CHCHD6: variants seen among roughly 807,000 people sequenced by gnomAD.
CHCHD6 encodes the protein MICOS complex subunit MIC25.
A neutral mutation model predicts 32.3 loss-of-function variants in CHCHD6; 28 were observed. The ratio of observed to expected loss-of-function variants is 0.87; its 90% CI spans 0.64 to 1.19. The LOEUF is 1.19. Among genes scored for constraint, CHCHD6 ranks in the 50% most tolerant of loss-of-function variants. The pLI, the probability that CHCHD6 is intolerant of heterozygous loss-of-function variation, is 0.00. For synonymous variants in CHCHD6, 122 were observed against 117.5 expected (o/e 1.04, Z -0.25); for missense variants, 333 against 307.0 (o/e 1.08, Z -0.63).
Position 126,704,263 on chromosome 3 carries a change from C to G in CHCHD6, c.-50C>G. On this transcript the variant is annotated 5_prime_UTR_variant, in exon 1 of 8. Transcript: ENST00000290913. ...GGAAAGCGTTGTTGGCCCGGTTGCT[C>G]TGGAGCCGGGTCTCGGGTCTGGTGG... The G allele has an allele frequency of 1.3e-6, 2 of 1,492,888 alleles. No homozygotes were observed. Among genetic ancestry groups the G allele is most frequent in the African/African-American group, 1.4e-5 (1 of 72,750 alleles). 92.5% of individuals were successfully genotyped at this position (1,492,888 alleles called of 1,614,324 possible).
At chr3:126,810,453 G>A (rs1939607966) in intron 4 of CHCHD6, among the ~76,000 whole-genome samples, 1 of 152,200 alleles carries the variant, frequency 6.6e-6, no homozygotes, top group Non-Finnish European at 1.5e-5. Flanking sequence ...GGGGAGAGAT[G>A]AGCCAAGTAC....
intron 4 of CHCHD6, among the ~76,000 whole-genome samples, chr3:126,788,393 A>G (rs1938337988): frequency 6.6e-6 from 1 of 152,208 alleles, no homozygotes; most frequent in Non-Finnish European, 1.5e-5. Flanking sequence ...TAGTTTCAGA[A>G]GGAATGGTAC....
At chr3:126,762,330 A>G (rs961184818) in intron 4 of CHCHD6, among the ~76,000 whole-genome samples, 2 of 152,044 alleles carry the variant, frequency 1.3e-5, no homozygotes, top group African/African-American at 2.4e-5. Flanking sequence ...AAGTTTTGGT[A>G]TGTTGTGTTT....
At chr3:126,778,925 A>AT (rs1937783901) in intron 4 of CHCHD6, among the ~76,000 whole-genome samples, 1 of 150,124 alleles carries the variant, frequency 6.7e-6, no homozygotes, top group Admixed American at 6.6e-5. Context: ...TGGCTCATTA[A>AT]ATTTTTTTTT....
intron 5 of CHCHD6, among the ~76,000 whole-genome samples, chr3:126,868,853 T>G (rs2077425863): frequency 6.6e-6 from 1 of 152,330 alleles, no homozygotes; most frequent in South Asian, 2.1e-4. Flanking sequence ...GAGAAATAGA[T>G]GAAGAATTGT....
chr3:126,828,446 G>A (rs1370725981), intron 4 of CHCHD6, among the ~76,000 whole-genome samples: 4 of 152,194 alleles, frequency 2.6e-5, no homozygotes, highest in Non-Finnish European at 4.4e-5. Flanking sequence ...GCTAACTTAA[G>A]TAAAAGGGAG....
intron 4 of CHCHD6, among the ~76,000 whole-genome samples, chr3:126,804,861 T>G (rs1353186395): frequency 6.6e-6 from 1 of 151,592 alleles, no homozygotes; most frequent in Non-Finnish European, 1.5e-5. Flanking sequence ...CGTGATCAAG[T>G]GGGCTTCATC....
intron 4 of CHCHD6, among the ~76,000 whole-genome samples, chr3:126,807,604 T>A (rs990697556): frequency 1.3e-5 from 2 of 152,112 alleles, no homozygotes; most frequent in Non-Finnish European, 2.9e-5. Flanking sequence ...ATTAATGAAA[T>A]TATTTCAGAA....
intron 4 of CHCHD6, among the ~76,000 whole-genome samples, chr3:126,811,915 T>C (rs1939671344): frequency 6.6e-6 from 1 of 152,210 alleles, no homozygotes; most frequent in Non-Finnish European, 1.5e-5. Flanking sequence ...TGCCAAAATT[T>C]GTTTTCACGT....
At chr3:126,911,029 A>T (rs535272542) in intron 5 of CHCHD6, among the ~76,000 whole-genome samples, 1 of 152,294 alleles carries the variant, frequency 6.6e-6, no homozygotes, top group South Asian at 2.1e-4. Context: ...TTTTAAAACC[A>T]TATGTAAGTA....
chr3:126,744,496 G>T (rs1008797632), intron 4 of CHCHD6, among the ~76,000 whole-genome samples: 1 of 152,142 alleles, frequency 6.6e-6, no homozygotes, highest in Non-Finnish European at 1.5e-5. Flanking sequence ...CTGTGTGTTG[G>T]CTATGAGCTG....
intron 5 of CHCHD6, among the ~76,000 whole-genome samples, chr3:126,872,848 G>A (rs1480332606): frequency 6.6e-6 from 1 of 152,246 alleles, no homozygotes; most frequent in African/African-American, 2.4e-5. Context: ...GGTCTGCTGA[G>A]GCAGGGACAC....
intron 6 of CHCHD6, among the ~76,000 whole-genome samples, chr3:126,946,059 C>T (rs1048382629): frequency 2.0e-5 from 3 of 152,016 alleles, no homozygotes; most frequent in African/African-American, 7.2e-5. Flanking sequence ...CTCCCGCAGC[C>T]CCACACAGAG....
intron 6 of CHCHD6, among the ~76,000 whole-genome samples, chr3:126,952,147 G>A (rs2078724452): frequency 6.6e-6 from 1 of 152,178 alleles, no homozygotes; most frequent in African/African-American, 2.4e-5. Flanking sequence ...CACTGTTGCT[G>A]GAAGTAGAGA....
intron 5 of CHCHD6, among the ~76,000 whole-genome samples, chr3:126,856,126 A>G (rs933544462): frequency 7.9e-5 from 12 of 151,626 alleles, no homozygotes; most frequent in African/African-American, 2.7e-4. Flanking sequence ...ATGAGCTAAA[A>G]AACAAAAACA....
At chr3:126,889,662 A>T (rs1299498862) in intron 5 of CHCHD6, among the ~76,000 whole-genome samples, 1 of 152,200 alleles carries the variant, frequency 6.6e-6, no homozygotes, top group Non-Finnish European at 1.5e-5. Flanking sequence ...TGATACAGGA[A>T]TCCTTGCTGC....
chr3:126,716,978 G>T (rs1042359558), intron 1 of CHCHD6, among the ~76,000 whole-genome samples: 6 of 152,134 alleles, frequency 3.9e-5, no homozygotes, highest in Admixed American at 3.3e-4. Context: ...CTTTCTAGGG[G>T]CCTGAGTGCT....
At chr3:126,748,814 C>T (rs566016764) in intron 4 of CHCHD6, among the ~76,000 whole-genome samples, 1 of 152,266 alleles carries the variant, frequency 6.6e-6, no homozygotes, top group African/African-American at 2.4e-5. Context: ...AGCAGGGCTG[C>T]AGCCCGGGCT....
At chr3:126,931,070 C>T (rs879721632) in intron 6 of CHCHD6, among the ~76,000 whole-genome samples, 9 of 152,210 alleles carry the variant, frequency 5.9e-5, no homozygotes, top group Admixed American at 1.3e-4. Flanking sequence ...GGGCGGCCGG[C>T]TCTCTTCCTG....
Sources: allele counts gnomAD v4.1 joint callset (sites outside exome capture counted in the v4.1 genomes callset), GRCh38; gene constraint gnomAD v4.1.1; transcripts MANE v1.5; gene names NCBI Gene and HGNC (gene_info 2026-07-23, HGNC 2026-07-21).